Variants in MATN2 observed in about 807,000 individuals in gnomAD.
MATN2 encodes the protein matrilin-2.
Under a neutral mutation model 103.2 loss-of-function variants are expected in MATN2, and 69 were observed. That is an observed-to-expected ratio of 0.67 (90% CI 0.55 to 0.82). The LOEUF (loss-of-function observed/expected upper bound fraction) is 0.82, where lower values mean the gene tolerates loss of function less well. Ranked by LOEUF, MATN2 falls within the 40% of genes least tolerant of loss-of-function variation. The pLI is 0.00. For synonymous variants in MATN2, 429 were observed against 450.2 expected (o/e 0.95, Z 0.60); for missense variants, 1,023 against 1,211.5 (o/e 0.84, Z 2.31).
intron 1 of MATN2, among the ~76,000 whole-genome samples, chr8:97,884,587 A>G (rs1260910072): frequency 1.3e-5 from 2 of 152,156 alleles, no homozygotes; most frequent in Admixed American, 1.3e-4. Flanking sequence ...CCTGGGCAAC[A>G]TGATGAAACC....
chr8:97,998,819 A>G (rs1033460833), intron 7 of MATN2, among the ~76,000 whole-genome samples: 3 of 152,254 alleles, frequency 2.0e-5, no homozygotes, highest in East Asian at 3.9e-4. Flanking sequence ...TAAAGACAAC[A>G]TTGGCTTTTT....
chr8:97,993,154 G>A (rs1812456948), intron 6 of MATN2, among the ~76,000 whole-genome samples: 1 of 152,074 alleles, frequency 6.6e-6, no homozygotes, highest in South Asian at 2.1e-4. Flanking sequence ...ATTTCCATAA[G>A]TTTAAATTGG....
At chr8:97,900,253 G>A (rs905069214) in intron 2 of MATN2, among the ~76,000 whole-genome samples, 31 of 148,292 alleles carry the variant, frequency 2.1e-4, no homozygotes, top group African/African-American at 7.4e-4. Flanking sequence ...TAAGCCTACA[G>A]CCAGCCAATG....
intron 7 of MATN2, among the ~76,000 whole-genome samples, chr8:97,996,160 G>A (rs1812580230): frequency 6.6e-6 from 1 of 152,180 alleles, no homozygotes; most frequent in Non-Finnish European, 1.5e-5. Flanking sequence ...GTTACTAATG[G>A]AGGGGAAAAA....
chr8:97,943,022 T>C (rs1195189921), intron 4 of MATN2, among the ~76,000 whole-genome samples: 4 of 152,072 alleles, frequency 2.6e-5, no homozygotes. Flanking sequence ...TAGCCTCCTC[T>C]AAGACCCCAG....
intron 13 of MATN2, among the ~76,000 whole-genome samples, chr8:98,022,777 G>C (rs369400914): frequency 6.6e-6 from 1 of 152,160 alleles, no homozygotes; most frequent in Non-Finnish European, 1.5e-5. Flanking sequence ...CATACTACCC[G>C]TGTGACCTTG....
intron 2 of MATN2, among the ~76,000 whole-genome samples, chr8:97,911,688 AGAGT>A (rs1809445917): frequency 1.3e-5 from 2 of 152,060 alleles, no homozygotes; most frequent in Admixed American, 6.5e-5. Flanking sequence ...GCCTGGTGAC[AGAGT>A]GAGACTCTGT....
chr8:97,999,861 C>CTTTTTTTTTTTTTTT (rs71271182), intron 7 of MATN2, among the ~76,000 whole-genome samples: 2 of 138,442 alleles, frequency 1.4e-5, no homozygotes, highest in Non-Finnish European at 1.5e-5. Flanking sequence ...GTCACGGATT[C>CTTTTTTTTTTTTTTT]TTTTTTTTTT....
Position 98,029,328 on chromosome 8 carries a change from GAATT to G in MATN2, c.2357-1128_2357-1125del, listed in dbSNP as rs752824487. Among the ~76,000 whole-genome samples, 30 of 152,160 alleles carry G rather than the reference GAATT, an allele frequency of 2.0e-4. 1 individual carries two copies. Among genetic ancestry groups the G allele is most frequent in the Non-Finnish European group, 4.0e-4 (27 of 68,026 alleles). On this transcript the variant is annotated intron_variant, in intron 14 of 18. Transcript: ENST00000254898. Reference sequence around the variant, plus strand: ...GCCCCCTAGTCTGCATTCTTAAAAAGAATTAATTAGGGGAAGCATCTTAGTCTCC... The same window carrying G: ...GCCCCCTAGTCTGCATTCTTAAAAAGAATTAGGGGAAGCATCTTAGTCTCC...
chr8:97,947,280 G>A (rs748138662), intron 4 of MATN2, among the ~76,000 whole-genome samples: 17 of 152,206 alleles, frequency 1.1e-4, no homozygotes, highest in Non-Finnish European at 2.4e-4. Context: ...GCTGAGGCAG[G>A]AGAATCACTT....
At chr8:97,921,301 G>A (rs2130107422) in intron 2 of MATN2, among the ~76,000 whole-genome samples, 1 of 152,318 alleles carries the variant, frequency 6.6e-6, no homozygotes, top group East Asian at 1.9e-4. Flanking sequence ...AAGTAATCCA[G>A]GGTGTCTCCC....
At chr8:97,885,943 C>A (rs961053304) in intron 1 of MATN2, among the ~76,000 whole-genome samples, 7 of 152,178 alleles carry the variant, frequency 4.6e-5, no homozygotes, top group Non-Finnish European at 7.4e-5. Flanking sequence ...GAGCAGTGGG[C>A]GAGCTCAGCT....
chr8:98,023,851 T>C (rs865868514), intron 13 of MATN2, among the ~76,000 whole-genome samples: 1 of 152,304 alleles, frequency 6.6e-6, no homozygotes, highest in African/African-American at 2.4e-5. Context: ...CATGGAATAC[T>C]ATGCGGCCAT....
At chr8:97,929,386 C>G (rs1469959498) in intron 2 of MATN2, among the ~76,000 whole-genome samples, 1 of 152,100 alleles carries the variant, frequency 6.6e-6, no homozygotes, top group Non-Finnish European at 1.5e-5. Flanking sequence ...CTTTCAAATC[C>G]TGATTCAGCT....
chr8:97,880,846 G>T (rs1169737947), intron 1 of MATN2, among the ~76,000 whole-genome samples: 1 of 152,134 alleles, frequency 6.6e-6, no homozygotes, highest in East Asian at 1.9e-4. Flanking sequence ...GTCTCCCAAA[G>T]TTCTGGGATT....
intron 4 of MATN2, among the ~76,000 whole-genome samples, chr8:97,945,711 A>ATATAT (rs1385265414): frequency 0.022 from 1,458 of 67,250 alleles, 9 homozygotes; most frequent in Non-Finnish European, 0.031. Context: ...TATAGAAAAA[A>ATATAT]AAAAAAATAT....
At chr8:98,010,184 G>A (rs1813109801) in intron 10 of MATN2, among the ~76,000 whole-genome samples, 1 of 151,986 alleles carries the variant, frequency 6.6e-6, no homozygotes, top group Non-Finnish European at 1.5e-5. Flanking sequence ...CTCTGAACAG[G>A]CCTGGTGCCT....
Position 98,027,493 on chromosome 8 carries a change from G to A in MATN2, c.2020G>A (p.Val674Met), listed in dbSNP as rs756209937. The A allele has an allele frequency of 2.0e-5, 33 of 1,613,888 alleles. No individual in the cohort carries two copies. The highest frequency in any genetic ancestry group is 5.0e-5 in the Admixed American group (3 of 60,016). Residue 674 changes from valine (V) to methionine (M), a missense_variant, in exon 14 of 19, where the codon GTG becomes ATG. Val to Met is a conservative substitution (Grantham distance 21, BLOSUM62 1). Transcript: ENST00000254898. ...KSLGEENFEV[V>M]KQFVTGIIDS... ...TCTTGGAGAAGAGAATTTTGAGGTC[G>A]TGAAGCAGTTTGTCACTGGAATTAT...
intron 2 of MATN2, among the ~76,000 whole-genome samples, chr8:97,912,773 C>T (rs749764628): frequency 2.1e-4 from 32 of 152,214 alleles, no homozygotes; most frequent in Middle Eastern, 3.4e-3. Context: ...TTGCCGACCT[C>T]AGTAGAGAGT....
Sources: gnomAD v4.1 joint callset for allele counts (sites outside exome capture counted in the v4.1 genomes callset) on GRCh38, gnomAD v4.1.1 for gene constraint, MANE v1.5 for transcripts, NCBI Gene and HGNC (gene_info 2026-07-23, HGNC 2026-07-21) for gene names.